The following ROBO2 variants were observed in gnomAD, a reference collection of about 807,000 sequenced individuals.
ROBO2 encodes the protein roundabout guidance receptor 2, also known as roundabout homolog 2.
Under a neutral mutation model 160.8 loss-of-function variants are expected in ROBO2, and 53 were observed. That is an observed-to-expected ratio of 0.33 (90% CI 0.26 to 0.41). The LOEUF is 0.41. Ranked by LOEUF, ROBO2 falls within the 10% of genes least tolerant of loss-of-function variation. ROBO2 has a pLI of 1.00. For missense variants in ROBO2, 1,577 were observed against 1,722.4 expected (o/e 0.92, Z 1.49); for synonymous variants, 664 against 611.7 (o/e 1.09, Z -1.26).
intron 2 of ROBO2, among the ~76,000 whole-genome samples, chr3:76,902,391 T>C (rs1161292801): frequency 6.6e-6 from 1 of 152,086 alleles, no homozygotes; most frequent in Non-Finnish European, 1.5e-5. Flanking sequence ...AGTACACTCT[T>C]ACTTTTCTAC....
At chr3:76,087,022 A>T (rs1273940206) in intron 2 of ROBO2, among the ~76,000 whole-genome samples, 1 of 152,094 alleles carries the variant, frequency 6.6e-6, no homozygotes, top group Non-Finnish European at 1.5e-5. Context: ...AAATCAGAAC[A>T]TAATATCCAA....
chr3:77,176,846 C>T (rs1035746096), intron 2 of ROBO2, among the ~76,000 whole-genome samples: 2 of 151,870 alleles, frequency 1.3e-5, no homozygotes, highest in African/African-American at 4.8e-5. Flanking sequence ...TTATATAAAA[C>T]TTACAAGTTC....
intron 2 of ROBO2, among the ~76,000 whole-genome samples, chr3:76,342,657 A>C (rs2074298668): frequency 6.6e-6 from 1 of 152,146 alleles, no homozygotes. Context: ...AAGGGCAATT[A>C]TATGCTAGCC....
At chr3:76,369,720 A>T (rs908182529) in intron 2 of ROBO2, among the ~76,000 whole-genome samples, 1 of 151,934 alleles carries the variant, frequency 6.6e-6, no homozygotes, top group Admixed American at 6.6e-5. Flanking sequence ...CTCTCCAGCT[A>T]CTTATACCCC....
intron 2 of ROBO2, among the ~76,000 whole-genome samples, chr3:77,148,762 A>G (rs2077312831): frequency 6.6e-6 from 1 of 152,214 alleles, no homozygotes; most frequent in African/African-American, 2.4e-5. Flanking sequence ...ACTCTATTAC[A>G]TAATATAGTT....
intron 2 of ROBO2, among the ~76,000 whole-genome samples, chr3:76,639,438 GTA>G (rs2090526710): frequency 1.4e-5 from 2 of 147,106 alleles, no homozygotes; most frequent in South Asian, 4.3e-4. Context: ...ACATATACGT[GTA>G]TATATAAGTG....
At chr3:77,048,108 CTT>C (rs2064872313) in intron 1 of ROBO2, among the ~76,000 whole-genome samples, 1 of 152,170 alleles carries the variant, frequency 6.6e-6, no homozygotes, top group South Asian at 2.1e-4. Flanking sequence ...TCAAGCATAA[CTT>C]ATTGTTATAA....
chr3:76,523,795 C>T (rs945145585), intron 2 of ROBO2, among the ~76,000 whole-genome samples: 1 of 151,944 alleles, frequency 6.6e-6, no homozygotes, highest in Non-Finnish European at 1.5e-5. Flanking sequence ...ATAGTAAATG[C>T]TATAGTTATT....
At chr3:77,132,291 G>T (rs181772058) in intron 2 of ROBO2, among the ~76,000 whole-genome samples, 1 of 152,044 alleles carries the variant, frequency 6.6e-6, no homozygotes, top group Non-Finnish European at 1.5e-5. Flanking sequence ...AGAGTACTTG[G>T]ATGTGTTTTG....
At chr3:76,316,880 C>T (rs1018184535) in intron 2 of ROBO2, among the ~76,000 whole-genome samples, 4 of 152,166 alleles carry the variant, frequency 2.6e-5, no homozygotes, top group African/African-American at 9.7e-5. Context: ...TCCCTGACTT[C>T]CTGCAACAAC....
chr3:76,305,961 A>T (rs1481877619), intron 2 of ROBO2, among the ~76,000 whole-genome samples: 7 of 151,892 alleles, frequency 4.6e-5, no homozygotes, highest in Admixed American at 4.6e-4. Flanking sequence ...TTGGGAGGGG[A>T]GGCCTGTCCT....
In ROBO2 at chr3:76,780,369, G is replaced by T. The variant is rs183585125; in HGVS notation, c.110-317645G>T. Among the ~76,000 whole-genome samples, 9 of 150,790 alleles carry T rather than the reference G, an allele frequency of 6.0e-5. No individual in the cohort carries two copies. In the East Asian group the frequency reaches 1.8e-3, roughly 30 times the overall value. ...ATGGTTTACAAATGTTTCCTCCCAC[G>T]CTGTAGGTTGCTTTTTCATCTTGTT... On this transcript the variant is annotated intron_variant, in intron 2 of 26. Transcript: ENST00000487694.
At chr3:77,312,715 G>A (rs888430154) in intron 2 of ROBO2, among the ~76,000 whole-genome samples, 1 of 152,170 alleles carries the variant, frequency 6.6e-6, no homozygotes, top group African/African-American at 2.4e-5. Flanking sequence ...ACTGTCTTGA[G>A]TGAAGGGTAC....
chr3:75,922,992 G>C (rs184756740), intron 1 of ROBO2, among the ~76,000 whole-genome samples: 6 of 152,120 alleles, frequency 3.9e-5, no homozygotes, highest in African/African-American at 1.4e-4. Context: ...CATACCCTTT[G>C]CTGTTGAAAG....
At chr3:76,268,376 A>G (rs1707226157) in intron 2 of ROBO2, among the ~76,000 whole-genome samples, 1 of 152,210 alleles carries the variant, frequency 6.6e-6, no homozygotes, top group Non-Finnish European at 1.5e-5. Flanking sequence ...TCATAACAAA[A>G]TATGATAGGC....
chr3:77,345,373 G>T (rs1013839762), intron 2 of ROBO2, among the ~76,000 whole-genome samples: 7 of 152,212 alleles, frequency 4.6e-5, no homozygotes, highest in South Asian at 4.1e-4. Flanking sequence ...TGATTGTATT[G>T]GTCATAGATG....
intron 2 of ROBO2, among the ~76,000 whole-genome samples, chr3:77,446,419 C>T (rs2080517179): frequency 1.3e-5 from 2 of 152,198 alleles, no homozygotes; most frequent in South Asian, 4.1e-4. Context: ...CAGCTCCATG[C>T]TTGATTTAAC....
chr3:77,092,024 T>TA, intron 1 of ROBO2: 1 of 146,992 alleles, frequency 6.8e-6, no homozygotes, highest in East Asian at 2.0e-4. Context: ...AATAAATAAA[T>TA]AAAAAGAATC....
At chr3:76,374,688 T>C (rs1039581744) in intron 2 of ROBO2, among the ~76,000 whole-genome samples, 5 of 152,020 alleles carry the variant, frequency 3.3e-5, no homozygotes, top group Non-Finnish European at 5.9e-5. Flanking sequence ...CTGGGGAAAC[T>C]AGACAGAATT....
Sources: gnomAD v4.1 joint callset for allele counts (sites outside exome capture counted in the v4.1 genomes callset) on GRCh38, gnomAD v4.1.1 for gene constraint, MANE v1.5 for transcripts, NCBI Gene and HGNC (gene_info 2026-07-23, HGNC 2026-07-21) for gene names.